The following LSS variants were observed in gnomAD, a reference collection of about 807,000 sequenced individuals.
LSS encodes 2,3-epoxysqualene-lanosterol cyclase.
LSS carries 90 observed loss-of-function variants against 110.3 expected under a neutral mutation model. The observed-to-expected ratio is 0.82, with a 90% CI of 0.69 to 0.97. The LOEUF (loss-of-function observed/expected upper bound fraction) is 0.97. Ranked by LOEUF, LSS falls within the 50% of genes least tolerant of loss-of-function variation. LSS has a pLI of 0.00. For missense variants in LSS, 927 were observed against 990.0 expected (o/e 0.94, Z 0.85); for synonymous variants, 433 against 400.0 (o/e 1.08, Z -0.98).
rs562778331 is a variant in LSS, at chr21:46,213,042, C to T, written c.1120G>A (p.Asp374Asn). The T allele has an allele frequency of 6.2e-7, 1 of 1,613,900 alleles. No homozygotes were observed. The highest frequency in any genetic ancestry group is 1.1e-5 in the South Asian group (1 of 91,050). The change falls in exon 11 of 22, where the codon GAC becomes AAC. Residue 374 changes from aspartate (D) to asparagine (N), a missense_variant. Coordinates refer to ENST00000397728, the MANE Select transcript of LSS (RefSeq NM_002340.6). ...RIPDYLWMGL[D>N]GMKMQGTNGS... is the part of the protein sequence containing the mutation. ...GCCCTTACCTGCATTTTCATGCCGT[C>T]AAGGCCCATCCTGTGAGGAGAAAAA...
intron 17 of LSS, among the ~76,000 whole-genome samples, chr21:46,200,595 A>G (rs982986575): frequency 1.3e-5 from 2 of 152,202 alleles, no homozygotes; most frequent in African/African-American, 4.8e-5. Flanking sequence ...TATTCTACAA[A>G]ATAACTTGTG....
intron 20 of LSS, among the ~76,000 whole-genome samples, chr21:46,194,238 T>C (rs544925923): frequency 2.6e-5 from 4 of 152,276 alleles, no homozygotes; most frequent in Admixed American, 2.6e-4. Flanking sequence ...TCCACTGACA[T>C]GGCTAATGGT....
At position 46,213,804 on chromosome 21, in the gene LSS, C is replaced by G. The variant is rs1225332969; in HGVS notation, c.1043G>C (p.Trp348Ser). 1 of 1,614,022 alleles carries G rather than the reference C, an allele frequency of 6.2e-7. No homozygotes were observed. Residue 348 changes from tryptophan to serine, a missense_variant, in exon 10 of 22, where the codon TGG becomes TCG. Coordinates refer to ENST00000397728, the MANE Select transcript of LSS (RefSeq NM_002340.6). Reference sequence around the variant, plus strand: ...AGTGGAGGCGGGCCCGTCCACATACCAGCGCACAAGCATGTTGATGGTTTT... The same window carrying G: ...AGTGGAGGCGGGCCCGTCCACATACGAGCGCACAAGCATGTTGATGGTTTT... Reference protein sequence around the residue: ...ISKTINMLVRWYVDGPASTAF... With the variant: ...ISKTINMLVRSYVDGPASTAF...
In LSS at chr21:46,204,748, A is replaced by C. The variant is rs1291399250; in HGVS notation, c.1670+1088T>G. The stretch of plus-strand genomic sequence containing the variant: ...TTTCCCAAACATTTAAGGCAGAAAT[A>C]TTATGAATATTACATAAATTCTTCC... On this transcript the variant is annotated intron_variant, in intron 17 of 21. Coordinates refer to ENST00000397728, the MANE Select transcript of LSS (RefSeq NM_002340.6). 2.0e-5 allele frequency among the ~76,000 whole-genome samples: 3 copies of C among 152,226 alleles called. 1 individual carries two copies. Among genetic ancestry groups the C allele is most frequent in the Non-Finnish European group, 4.4e-5 (3 of 68,040 alleles).
chr21:46,219,105 C>G (rs1332172313), intron 6 of LSS, among the ~76,000 whole-genome samples: 1 of 152,126 alleles, frequency 6.6e-6, no homozygotes, highest in Non-Finnish European at 1.5e-5. Context: ...CATTCACCAG[C>G]AAAGGAGACA....
At chr21:46,224,554 C>T (rs1253577672) in intron 3 of LSS, 1 of 152,166 alleles carries the variant, frequency 6.6e-6, no homozygotes, top group East Asian at 1.9e-4. Flanking sequence ...AATGAGCCAT[C>T]CCAAAACAAG....
intron 3 of LSS, among the ~76,000 whole-genome samples, chr21:46,226,227 A>C (rs1042607169): frequency 2.0e-5 from 3 of 152,114 alleles, no homozygotes; most frequent in African/African-American, 7.2e-5. Flanking sequence ...AAGCAGCAAG[A>C]ACAAACAACA....
chr21:46,218,599 G>A (rs774864394), intron 6 of LSS, among the ~76,000 whole-genome samples: 13 of 152,010 alleles, frequency 8.6e-5, no homozygotes, highest in Non-Finnish European at 1.6e-4. Flanking sequence ...ACTCCAGCCT[G>A]AGTGACAAAG....
chr21:46,198,157 C>T (rs990561759), intron 17 of LSS, among the ~76,000 whole-genome samples: 3 of 151,932 alleles, frequency 2.0e-5, no homozygotes, highest in Admixed American at 6.5e-5. Flanking sequence ...GTCCTAGCTG[C>T]TCAGGAGGCT....
chr21:46,205,683 A>G (rs144903190), intron 17 of LSS, among the ~76,000 whole-genome samples, 153 bp downstream of exon 17: 1 of 152,348 alleles, frequency 6.6e-6, no homozygotes, highest in Non-Finnish European at 1.5e-5. Flanking sequence ...TTTAGGGCAT[A>G]TGACTGGATT....
intron 18 of LSS, 34 bp from the exon 19 acceptor site, chr21:46,195,790 A>C: frequency 6.5e-7 from 1 of 1,547,872 alleles, no homozygotes; most frequent in Non-Finnish European, 8.9e-7. Flanking sequence ...CAGCCCTTCC[A>C]CCCTGTTCAC....
At chr21:46,228,633 C>A in intron 1 of LSS, 34 bp from the exon 2 acceptor site, 1 of 1,592,918 alleles carries the variant, frequency 6.3e-7, no homozygotes, top group East Asian at 2.3e-5. Flanking sequence ...ACCCAGGCCC[C>A]GCCCCAACGC....
In LSS at chr21:46,190,880, C is replaced by A; in HGVS notation, c.*224G>T. On this transcript the variant is annotated 3_prime_UTR_variant, in exon 22 of 22. Coordinates refer to ENST00000397728, the MANE Select transcript of LSS (RefSeq NM_002340.6). The surrounding 1 kb of genome is among the most constrained non-coding windows in gnomAD (Gnocchi z 4.6). ...CCTGTGCCCCCTTCCTCACCCAAGC[C>A]CGACAAGCTACTTTCAGAAATGAAC... is the stretch of plus-strand genomic sequence containing the variant. 2 of 552,946 alleles carry A rather than the reference C, an allele frequency of 3.6e-6. No homozygotes were observed. Among genetic ancestry groups the A allele is most frequent in the Non-Finnish European group, 6.2e-6 (2 of 320,924 alleles). The allele number at this position is 552,946 out of a possible 1,614,324, so 34.3% of individuals were successfully genotyped here. A position where few individuals can be genotyped will look rare whatever the true frequency, so the allele number is the denominator to read the frequency against.
intron 11 of LSS, 31 bp from the exon 12 acceptor site, chr21:46,210,775 G>A: frequency 6.2e-7 from 1 of 1,608,504 alleles, no homozygotes; most frequent in Non-Finnish European, 8.5e-7. Flanking sequence ...TACAGCAGCA[G>A]ATGCAGCCCC....
At chr21:46,215,385 C>T (rs923693737) in intron 8 of LSS, 87 bp from the exon 9 acceptor site, 11 of 798,208 alleles carry the variant, frequency 1.4e-5, no homozygotes, top group African/African-American at 9.8e-5. Flanking sequence ...CTGGACTTGC[C>T]CTTCCCAGGG....
chr21:46,197,404 G>A (rs1439195459), intron 17 of LSS, among the ~76,000 whole-genome samples: 1 of 152,010 alleles, frequency 6.6e-6, no homozygotes, highest in African/African-American at 2.4e-5. Flanking sequence ...AAAAACTCTA[G>A]GCCTAGGAAT....
At position 46,213,738 on chromosome 21, in the gene LSS, CAG is replaced by C. The variant is rs1408724451; in HGVS notation, c.1107_1108del (p.Trp370AspfsTer4). 2 of 1,613,026 alleles carry C rather than the reference CAG, an allele frequency of 1.2e-6. No homozygotes were observed. The highest frequency in any genetic ancestry group is 1.7e-6 in the Non-Finnish European group (2 of 1,179,472). On this transcript the variant is annotated frameshift_variant and splice_region_variant, in exon 10 of 22. Coordinates refer to ENST00000397728, the MANE Select transcript of LSS (RefSeq NM_002340.6). ...GCCAGCATATCCCAGCCACACTCAC[CAG>C]AGATAGTCCGGGATTCTGGAGACAT...
Position 46,191,188 on chromosome 21 carries a change from C to A in LSS, c.2115G>T (p.Thr705=). The A allele has an allele frequency of 6.2e-7, 1 of 1,614,072 alleles. No individual in the cohort carries two copies. Among genetic ancestry groups the A allele is most frequent in the Non-Finnish European group, 8.5e-7 (1 of 1,179,992 alleles). Residue 705 remains threonine, a synonymous_variant, in exon 22 of 22, where the codon ACG becomes ACT. Coordinates refer to ENST00000397728, the MANE Select transcript of LSS (RefSeq NM_002340.6). ...AGATGGGGAAGATGTTCCTGTAGCT[C>A]GTGTAGGAGATGGCACAGGACTTGT... ...VFNKSCAISY[T]SYRNIFPIWA...
rs1489649327 is a variant in LSS at position 46,217,812 on chromosome 21, C to T, written c.648-1288G>A. On this transcript the variant is annotated intron_variant, in intron 6 of 21. Coordinates refer to ENST00000397728, the MANE Select transcript of LSS (RefSeq NM_002340.6). The stretch of plus-strand genomic sequence containing the variant: ...ACTGCCGTCTCAGTCCTTCCTCTGC[C>T]GCTCATTACACACGGGCGAGGCGCA... Among the ~76,000 whole-genome samples the T allele has an allele frequency of 2.0e-5, 3 of 152,332 alleles. No individual in the cohort carries two copies. The East Asian group carries it at 5.8e-4, about 29-fold the overall frequency.
Sources: gnomAD v4.1 joint callset for allele counts (sites outside exome capture counted in the v4.1 genomes callset) on GRCh38, gnomAD v4.1.1 for gene constraint, Gnocchi (gnomAD v3.1) non-coding constraint, MANE v1.5 for transcripts, NCBI Gene and HGNC (gene_info 2026-07-23, HGNC 2026-07-21) for gene names.